PDGFD: variants seen among roughly 807,000 people sequenced by gnomAD.
PDGFD encodes the protein platelet derived growth factor D.
Under a neutral mutation model 44.7 loss-of-function variants are expected in PDGFD, and 30 were observed. The observed-to-expected ratio is 0.67, with a 90% CI of 0.50 to 0.91. The LOEUF (loss-of-function observed/expected upper bound fraction) is 0.91, where lower values mean the gene tolerates loss of function less well. PDGFD is among the 40% of genes least tolerant of loss of function. PDGFD has a pLI of 0.00. For missense variants in PDGFD, 445 were observed against 457.8 expected, an observed-to-expected ratio of 0.97 and a Z score of 0.25; for synonymous variants, 173 against 168.4, an observed-to-expected ratio of 1.03 and a Z score of -0.21.
In PDGFD at chr11:104,100,972, A is replaced by G. The variant is rs1035062840; in HGVS notation, c.124+62832T>C. 3.9e-5 allele frequency among the ~76,000 whole-genome samples: 6 copies of G among 152,186 alleles called. 1 individual carries two copies. Among genetic ancestry groups the G allele is most frequent in the Admixed American group, 3.9e-4 (6 of 15,276 alleles). On this transcript the variant is annotated intron_variant, in intron 1 of 6. Transcript: ENST00000393158. ...TATCTCAAAATAATAAGAGCTATTT[A>G]TGACAAACCCACAGCCAATATCATA...
chr11:103,987,166 T>C (rs1859379917), intron 3 of PDGFD, among the ~76,000 whole-genome samples: 1 of 151,446 alleles, frequency 6.6e-6, no homozygotes, highest in African/African-American at 2.4e-5. Context: ...TCCATACAGC[T>C]GGCTCTGTGT....
At chr11:103,932,396 T>C (rs79436235) in intron 5 of PDGFD, among the ~76,000 whole-genome samples, 2,435 of 152,304 alleles carry the variant, frequency 0.016, 30 homozygotes, top group Non-Finnish European at 0.026. Flanking sequence ...TAGGCTAGGC[T>C]TAGCTACGAA....
rs1054997574 is a variant in PDGFD, at chr11:103,908,696, T to A, written c.*998A>T. ...TAGTTTGGAGAGTTCGAATCCATTA[T>A]TAGATATGGATCCTATCAAATATCC... On this transcript the variant is annotated 3_prime_UTR_variant, in exon 7 of 7. Transcript: ENST00000393158. 2.6e-5 allele frequency: 4 copies of A among 152,182 alleles called. No homozygotes were observed. Among genetic ancestry groups the A allele is most frequent in the African/African-American group, 9.7e-5 (4 of 41,434 alleles). The allele number at this position is 152,182 out of a possible 1,614,324, so 9.4% of individuals were successfully genotyped here.
At chr11:104,056,926 G>A (rs1055547716) in intron 1 of PDGFD, among the ~76,000 whole-genome samples, 13 of 152,012 alleles carry the variant, frequency 8.6e-5, no homozygotes, top group South Asian at 2.1e-4. Flanking sequence ...TTAGGAGCTC[G>A]AGACCATCCT....
intron 5 of PDGFD, among the ~76,000 whole-genome samples, chr11:103,938,190 T>C (rs1858523341): frequency 1.3e-5 from 2 of 152,134 alleles, no homozygotes; most frequent in African/African-American, 4.8e-5. Context: ...AGTGTTCCTA[T>C]TTCTCCACAT....
intron 1 of PDGFD, among the ~76,000 whole-genome samples, chr11:104,027,466 C>T (rs376917078): frequency 2.6e-5 from 4 of 152,140 alleles, no homozygotes; most frequent in Admixed American, 1.3e-4. Flanking sequence ...TCAAATTATC[C>T]GTTAAGTCCA....
intron 3 of PDGFD, among the ~76,000 whole-genome samples, chr11:103,973,447 T>A (rs997839274): frequency 2.0e-5 from 3 of 152,066 alleles, no homozygotes; most frequent in Non-Finnish European, 4.4e-5. Context: ...TGGTCACTTT[T>A]AATTGAAGGA....
chr11:103,994,060 A>G (rs1331497098), intron 3 of PDGFD, among the ~76,000 whole-genome samples: 1 of 152,188 alleles, frequency 6.6e-6, no homozygotes, highest in Non-Finnish European at 1.5e-5. Flanking sequence ...GAGTTATGAG[A>G]CTGCACCATA....
intron 1 of PDGFD, among the ~76,000 whole-genome samples, chr11:104,060,882 T>G (rs916000377): frequency 1.3e-5 from 2 of 152,228 alleles, no homozygotes; most frequent in Non-Finnish European, 2.9e-5. Context: ...TTTAACCACT[T>G]TAAGTGTACA....
At chr11:104,020,259 C>T (rs934910795) in intron 1 of PDGFD, among the ~76,000 whole-genome samples, 3 of 152,036 alleles carry the variant, frequency 2.0e-5, no homozygotes, top group Admixed American at 6.6e-5. Context: ...TTAGGCCCTG[C>T]AGCTATTTCA....
intron 1 of PDGFD, among the ~76,000 whole-genome samples, chr11:104,016,710 G>C (rs1214415687): frequency 6.6e-6 from 1 of 152,222 alleles, no homozygotes; most frequent in Non-Finnish European, 1.5e-5. Context: ...CTGAGTGTAC[G>C]AATGCTACTT....
intron 1 of PDGFD, among the ~76,000 whole-genome samples, chr11:104,161,892 C>T (rs1862392667): frequency 1.3e-5 from 2 of 151,722 alleles, no homozygotes; most frequent in South Asian, 2.1e-4. Context: ...CCTAGTCTTG[C>T]TTGTAAGATG....
intron 3 of PDGFD, among the ~76,000 whole-genome samples, chr11:103,959,932 G>A (rs756850692): frequency 1.5e-4 from 23 of 152,234 alleles, no homozygotes; most frequent in East Asian, 9.6e-4. Flanking sequence ...TAGTTCATGC[G>A]TATGGGCATT....
chr11:103,941,585 C>G (rs10750678), intron 5 of PDGFD, among the ~76,000 whole-genome samples: 1 of 151,712 alleles, frequency 6.6e-6, no homozygotes, highest in African/African-American at 2.4e-5. Flanking sequence ...TGTTATTGCA[C>G]ACACATTGCC....
chr11:103,998,269 C>A (rs375323220), intron 2 of PDGFD, among the ~76,000 whole-genome samples: 1 of 152,036 alleles, frequency 6.6e-6, no homozygotes, highest in African/African-American at 2.4e-5. Flanking sequence ...TTTGGAAGTA[C>A]CTGTTGGGAG....
At chr11:104,119,083 A>T (rs529418900) in intron 1 of PDGFD, among the ~76,000 whole-genome samples, 6 of 59,650 alleles carry the variant, frequency 1.0e-4, no homozygotes, top group African/African-American at 4.2e-4. Flanking sequence ...TATAATATAT[A>T]ATATATTGAT....
chr11:104,123,018 C>T (rs1305165243), intron 1 of PDGFD, among the ~76,000 whole-genome samples: 1 of 151,974 alleles, frequency 6.6e-6, no homozygotes, highest in Non-Finnish European at 1.5e-5. Context: ...AATGTTAATC[C>T]CAAGAATTAA....
intron 6 of PDGFD, among the ~76,000 whole-genome samples, chr11:103,914,767 T>C (rs1858091655): frequency 6.6e-6 from 1 of 152,162 alleles, no homozygotes; most frequent in African/African-American, 2.4e-5. Flanking sequence ...GTTGGCGTCA[T>C]CCCTGGGATG....
intron 5 of PDGFD, among the ~76,000 whole-genome samples, chr11:103,936,226 A>G (rs1565288740): frequency 1.3e-5 from 2 of 152,192 alleles, no homozygotes; most frequent in Non-Finnish European, 2.9e-5. Flanking sequence ...AGATGTAGTT[A>G]CAGATATCTG....
Sources: allele counts gnomAD v4.1 joint callset (sites outside exome capture counted in the v4.1 genomes callset), GRCh38; gene constraint gnomAD v4.1.1; transcripts MANE v1.5; gene names NCBI Gene and HGNC (gene_info 2026-07-23, HGNC 2026-07-21).